The following FAM81A variants were observed in gnomAD, a reference collection of about 807,000 sequenced individuals.
FAM81A encodes protein FAM81A.
A neutral mutation model predicts 46.7 loss-of-function variants in FAM81A; 19 were observed. The ratio of observed to expected loss-of-function variants is 0.41; its 90% CI spans 0.28 to 0.60. The LOEUF is 0.60. FAM81A is among the 20% of genes least tolerant of loss of function. The pLI is 0.34. For synonymous variants in FAM81A, 183 were observed against 152.9 expected (o/e 1.20, Z -1.45); for missense variants, 377 against 453.5 (o/e 0.83, Z 1.53).
chr15:59,487,200 T>TTA (rs1391702171), intron 3 of FAM81A, among the ~76,000 whole-genome samples: 3 of 146,782 alleles, frequency 2.0e-5, no homozygotes, highest in Non-Finnish European at 3.0e-5. Flanking sequence ...TATATATATA[T>TTA]TATATATATA....
At chr15:59,516,930 T>C (rs1374198748) in intron 8 of FAM81A, 90 bp downstream of exon 8, 2 of 1,210,314 alleles carry the variant, frequency 1.7e-6, no homozygotes, top group African/African-American at 1.5e-5. Flanking sequence ...CCTATGAACC[T>C]GGCTAATGGT....
intron 4 of FAM81A, among the ~76,000 whole-genome samples, chr15:59,500,441 G>A (rs1234522753): frequency 2.6e-5 from 4 of 151,750 alleles, no homozygotes; most frequent in Non-Finnish European, 5.9e-5. Context: ...GGGACTGTAG[G>A]CATGCATCAC....
At chr15:59,517,028 A>T (rs2082274873) in intron 8 of FAM81A, among the ~76,000 whole-genome samples, 188 bp downstream of exon 8, 1 of 152,172 alleles carries the variant, frequency 6.6e-6, no homozygotes, top group African/African-American at 2.4e-5. Flanking sequence ...TTTCAGCTAT[A>T]TAAAGAGCCA....
chr15:59,413,809 A>G (rs1225659467), intron 2 of FAM81A, among the ~76,000 whole-genome samples: 1 of 152,134 alleles, frequency 6.6e-6, no homozygotes, highest in Non-Finnish European at 1.5e-5. Flanking sequence ...TCATTTCCTC[A>G]GCAAACCTAT....
intron 3 of FAM81A, among the ~76,000 whole-genome samples, chr15:59,477,667 C>G (rs1002411092): frequency 6.6e-6 from 1 of 152,210 alleles, no homozygotes; most frequent in South Asian, 2.1e-4. Flanking sequence ...ATGTCTAAGA[C>G]ATAGTAGGAG....
intron 3 of FAM81A, among the ~76,000 whole-genome samples, chr15:59,461,698 G>A (rs1043368917): frequency 6.6e-6 from 1 of 152,146 alleles, no homozygotes; most frequent in African/African-American, 2.4e-5. Context: ...TTATGTCTGA[G>A]TAATATTCTA....
intron 1 of FAM81A, among the ~76,000 whole-genome samples, chr15:59,439,453 C>T (rs1414842533): frequency 6.6e-6 from 1 of 151,906 alleles, no homozygotes; most frequent in Non-Finnish European, 1.5e-5. Context: ...TTAGCGTTGA[C>T]TGGTACTAAA....
At chr15:59,407,877 GT>G in intron 2 of FAM81A, 1 of 200,084 alleles carries the variant, frequency 5.0e-6, no homozygotes, top group South Asian at 8.7e-5. Flanking sequence ...TTACAGTTGA[GT>G]AGCTCTTTGG....
At chr15:59,403,818 A>AT (rs1320811248) in intron 2 of FAM81A, among the ~76,000 whole-genome samples, 2 of 151,130 alleles carry the variant, frequency 1.3e-5, no homozygotes, top group East Asian at 1.9e-4. Context: ...CTTAATAAAC[A>AT]TTTTTTTTCA....
intron 6 of FAM81A, among the ~76,000 whole-genome samples, chr15:59,514,079 TG>T (rs368329023): frequency 3.0e-5 from 4 of 132,354 alleles, no homozygotes; most frequent in East Asian, 2.1e-4. Context: ...CTTGGGGGCA[TG>T]GGGGGGGCAA....
chr15:59,492,709 G>A (rs1473777546), intron 4 of FAM81A, among the ~76,000 whole-genome samples: 1 of 152,148 alleles, frequency 6.6e-6, no homozygotes, highest in Non-Finnish European at 1.5e-5. Flanking sequence ...TAGTTTGTAT[G>A]TCATTTTGGA....
chr15:59,513,647 G>A (rs1419121926), intron 6 of FAM81A, among the ~76,000 whole-genome samples: 1 of 152,078 alleles, frequency 6.6e-6, no homozygotes, highest in East Asian at 1.9e-4. Flanking sequence ...ATGATAGTTG[G>A]AAATTGATAT....
chr15:59,478,029 G>A (rs1225942380), intron 3 of FAM81A, among the ~76,000 whole-genome samples: 8 of 152,138 alleles, frequency 5.3e-5, no homozygotes, highest in African/African-American at 1.4e-4. Context: ...GGTTTAAGCC[G>A]TTATCGGTCC....
At chr15:59,472,507 T>C (rs4775171) in intron 3 of FAM81A, among the ~76,000 whole-genome samples, 85,657 of 151,572 alleles carry the variant, frequency 0.57, 25,402 homozygotes, top group Admixed American at 0.68. Flanking sequence ...TGTCTTCTTC[T>C]CAACCTGCAT....
chr15:59,498,498 A>G (rs776361269), intron 4 of FAM81A, among the ~76,000 whole-genome samples: 16 of 152,338 alleles, frequency 1.1e-4, no homozygotes, highest in Non-Finnish European at 1.8e-4. Flanking sequence ...TTACTTTCCA[A>G]TCAGGATTTC....
chr15:59,510,612 C>A (rs189901428), intron 6 of FAM81A, among the ~76,000 whole-genome samples: 1 of 151,314 alleles, frequency 6.6e-6, no homozygotes, highest in African/African-American at 2.4e-5. Context: ...ATGTTTCAGA[C>A]AAATAAGAAC....
At chr15:59,473,828 GC>G (rs1402216112) in intron 3 of FAM81A, among the ~76,000 whole-genome samples, 1 of 152,142 alleles carries the variant, frequency 6.6e-6, no homozygotes, top group African/African-American at 2.4e-5. Flanking sequence ...TACTCCAGTG[GC>G]CAGAACCACT....
At chr15:59,410,191 G>A (rs2141537361) in intron 2 of FAM81A, among the ~76,000 whole-genome samples, 1 of 152,160 alleles carries the variant, frequency 6.6e-6, no homozygotes, top group African/African-American at 2.4e-5. Context: ...CAGCTACCTA[G>A]GAGGCTGAGG....
chr15:59,454,322 A>G (rs1425374573), intron 1 of FAM81A, among the ~76,000 whole-genome samples: 1 of 152,222 alleles, frequency 6.6e-6, no homozygotes, highest in Non-Finnish European at 1.5e-5. Context: ...TTTAGTAAAA[A>G]TTATCATTTT....
Sources: allele counts gnomAD v4.1 joint callset (sites outside exome capture counted in the v4.1 genomes callset), GRCh38; gene constraint gnomAD v4.1.1; transcripts MANE v1.5; gene names NCBI Gene and HGNC (gene_info 2026-07-23, HGNC 2026-07-21).